Variants in RPA1 observed in about 807,000 individuals in gnomAD.
RPA1 encodes the protein replication protein A1.
A neutral mutation model predicts 83.0 loss-of-function variants in RPA1; 49 were observed. The ratio of observed to expected loss-of-function variants is 0.59; its 90% confidence interval spans 0.47 to 0.75. The LOEUF (loss-of-function observed/expected upper bound fraction) is 0.75. RPA1 is among the 30% of genes least tolerant of loss of function. The pLI is 0.00. For synonymous variants in RPA1, 279 were observed against 281.8 expected (o/e 0.99, Z 0.10); for missense variants, 693 against 776.1 (o/e 0.89, Z 1.27).
intron 6 of RPA1, 120 bp from the exon 7 acceptor site, chr17:1,875,541 C>T: frequency 9.3e-7 from 1 of 1,071,012 alleles, no homozygotes; most frequent in Non-Finnish European, 1.3e-6. Flanking sequence ...AAAGCTTTGC[C>T]TCTCATGTTA....
chr17:1,852,115 C>T (rs1161186175), intron 4 of RPA1, among the ~76,000 whole-genome samples: 1 of 152,124 alleles, frequency 6.6e-6, no homozygotes, highest in Middle Eastern at 3.2e-3. Context: ...CCATTAAATT[C>T]CTTCTTTTTA....
rs886981713 is a variant in RPA1, at chr17:1,899,429, A to G, written c.*2254A>G. ...ATCTAATCATTTCGCCTTTATTTCA[A>G]GTGGTTCTTGAATTCCCTCCAGTCT... On this transcript the variant is annotated 3_prime_UTR_variant, in exon 17 of 17. Transcript: ENST00000254719. The G allele has an allele frequency of 6.6e-6, 1 of 152,308 alleles. No homozygotes were observed. Among genetic ancestry groups the G allele is most frequent in the South Asian group, 2.1e-4 (1 of 4,830 alleles). The allele number at this position is 152,308 out of a possible 1,614,324, so 9.4% of individuals were successfully genotyped here.
intron 11 of RPA1, 149 bp downstream of exon 11, chr17:1,879,848 C>T (rs12948780): frequency 0.17 from 159,980 of 943,648 alleles, 16,908 homozygotes; most frequent in East Asian, 0.38. Context: ...ATGGGGCCTT[C>T]AGCACACACA....
At chr17:1,861,103 A>T (rs1597437864) in intron 5 of RPA1, among the ~76,000 whole-genome samples, 1 of 152,038 alleles carries the variant, frequency 6.6e-6, no homozygotes, top group African/African-American at 2.4e-5. Flanking sequence ...GATGATTCTC[A>T]CCCTGGCCTC....
rs558361168 is a variant in RPA1, at chr17:1,874,943, A to G, written c.455-718A>G. 2.6e-5 allele frequency among the ~76,000 whole-genome samples: 4 copies of G among 152,334 alleles called. No homozygotes were observed. In the East Asian group the frequency reaches 5.8e-4, roughly 22 times the overall value. ...GTATGAAATCACTGAACTAAATTAT[A>G]TTTTCTGAATTTGGACGTTGAGTTT... On this transcript the variant is annotated intron_variant, in intron 6 of 16. Transcript: ENST00000254719.
chr17:1,874,861 T>C (rs932154939), intron 6 of RPA1, among the ~76,000 whole-genome samples: 3 of 152,218 alleles, frequency 2.0e-5, no homozygotes, highest in African/African-American at 7.2e-5. Flanking sequence ...ACTGGATAGA[T>C]GGTGTATTGA....
intron 5 of RPA1, among the ~76,000 whole-genome samples, chr17:1,866,469 C>T (rs1033230005): frequency 6.6e-6 from 1 of 152,090 alleles, no homozygotes; most frequent in African/African-American, 2.4e-5. Flanking sequence ...AGCCCACCAC[C>T]ACGCCCGGCT....
chr17:1,851,777 A>G lies in RPA1; in HGVS notation c.273-1324A>G, dbSNP rs149844331. On this transcript the variant is annotated intron_variant, in intron 4 of 16. Transcript: ENST00000254719. ...TAAGTATCAGATAGTTATTACAGGG[A>G]ATCTAGATACCATTTTCAGGAACAG... Among the ~76,000 whole-genome samples the G allele has an allele frequency of 7.2e-3, 1,098 of 152,292 alleles. 11 individuals carry two copies. Among genetic ancestry groups the G allele is most frequent in the Non-Finnish European group, 0.011 (726 of 68,032 alleles).
intron 5 of RPA1, 79 bp from the exon 6 acceptor site, chr17:1,872,355 G>A (rs1245942601): frequency 1.2e-5 from 18 of 1,554,950 alleles, no homozygotes; most frequent in African/African-American, 4.1e-5. Flanking sequence ...CACTTTCCCA[G>A]AGCATTCCTT....
chr17:1,857,428 G>A (rs1425923784), intron 5 of RPA1, among the ~76,000 whole-genome samples: 5 of 151,804 alleles, frequency 3.3e-5, no homozygotes, highest in Non-Finnish European at 5.9e-5. Flanking sequence ...GATCTTCCTC[G>A]TGTCCAAAGC....
chr17:1,843,137 C>T lies in RPA1; in HGVS notation c.84+284C>T, dbSNP rs113461421. The stretch of plus-strand genomic sequence containing the variant: ...GATGACTGTGGAGCTACTTGCCTTT[C>T]CTGCCCTTGGGTTTGTCTTGTTCAC... On this transcript the variant is annotated intron_variant, in intron 2 of 16. Coordinates refer to ENST00000254719, the MANE Select transcript of RPA1 (RefSeq NM_002945.5). 7.2e-5 allele frequency among the ~76,000 whole-genome samples: 11 copies of T among 151,810 alleles called. 1 individual carries two copies. Among genetic ancestry groups the T allele is most frequent in the African/African-American group, 2.7e-4 (11 of 41,386 alleles).
intron 5 of RPA1, among the ~76,000 whole-genome samples, chr17:1,854,731 A>T (rs1373737652): frequency 6.6e-6 from 1 of 152,212 alleles, no homozygotes; most frequent in African/African-American, 2.4e-5. Context: ...AAAAGTGTGT[A>T]AACTAGGATA....
intron 4 of RPA1, among the ~76,000 whole-genome samples, chr17:1,848,755 G>A (rs1168780111): frequency 2.0e-5 from 3 of 151,852 alleles, no homozygotes; most frequent in Non-Finnish European, 2.9e-5. Context: ...TAGTAGAGAC[G>A]GGGTTTCACC....
chr17:1,895,931 G>A (rs775663267), intron 16 of RPA1, among the ~76,000 whole-genome samples: 8 of 151,926 alleles, frequency 5.3e-5, no homozygotes, highest in Admixed American at 1.3e-4. Context: ...TGATCCACCC[G>A]CCTCAGCCTC....
Position 1,859,316 on chromosome 17 carries a change from G to A in RPA1, c.361+6127G>A, listed in dbSNP as rs189396963. On this transcript the variant is annotated intron_variant, in intron 5 of 16. Transcript: ENST00000254719. Reference sequence around the variant, plus strand: ...GTCTTACAAATGTCAATTAGGTCGAGTCGGTAAATTGTGTTATTCAGTTTT... The same window carrying A: ...GTCTTACAAATGTCAATTAGGTCGAATCGGTAAATTGTGTTATTCAGTTTT... 9.9e-5 allele frequency among the ~76,000 whole-genome samples: 15 copies of A among 152,258 alleles called. No individual in the cohort carries two copies. In the East Asian group the frequency reaches 2.3e-3, roughly 23 times the overall value.
At chr17:1,896,433 C>T (rs555525053) in intron 16 of RPA1, among the ~76,000 whole-genome samples, 11 of 151,818 alleles carry the variant, frequency 7.2e-5, no homozygotes, top group Admixed American at 1.3e-4. Context: ...GGTTTACTCA[C>T]GTATTTACCT....
At chr17:1,880,928 G>A (rs1040623205) in intron 12 of RPA1, among the ~76,000 whole-genome samples, 1 of 152,238 alleles carries the variant, frequency 6.6e-6, no homozygotes, top group Non-Finnish European at 1.5e-5. Context: ...GCATGTAAGT[G>A]CTGCCTGCTG....
At chr17:1,862,194 ATTTTTTTTTTT>A (rs57509401) in intron 5 of RPA1, among the ~76,000 whole-genome samples, 42 of 93,148 alleles carry the variant, frequency 4.5e-4, no homozygotes, top group Non-Finnish European at 5.3e-4. Context: ...CCCCAACCGT[ATTTTTTTTTTT>A]TTTTTTTTTT....
intron 5 of RPA1, among the ~76,000 whole-genome samples, chr17:1,870,731 A>G (rs1706220553): frequency 6.6e-6 from 1 of 152,210 alleles, no homozygotes; most frequent in Non-Finnish European, 1.5e-5. Context: ...TAGAAATTGA[A>G]TCTATGTGAT....
Sources: gnomAD v4.1 joint callset for allele counts (sites outside exome capture counted in the v4.1 genomes callset) on GRCh38, gnomAD v4.1.1 for gene constraint, MANE v1.5 for transcripts, NCBI Gene and HGNC (gene_info 2026-07-23, HGNC 2026-07-21) for gene names.